SAMD4A: variants seen among roughly 807,000 people sequenced by gnomAD.
SAMD4A encodes the protein protein Smaug homolog 1.
Under a neutral mutation model 81.3 loss-of-function variants are expected in SAMD4A, and 33 were observed. That is an observed-to-expected ratio of 0.41 (90% CI 0.31 to 0.54). The LOEUF is 0.54. Among genes scored for constraint, SAMD4A ranks in the 20% least tolerant of loss-of-function variants. SAMD4A has a pLI of 0.37. For missense variants in SAMD4A, 854 were observed against 951.1 expected (o/e 0.90, Z 1.34); for synonymous variants, 389 against 382.1 (o/e 1.02, Z -0.21).
At chr14:54,565,734 G>C (rs2032909368), upstream of SAMD4A, among the ~76,000 whole-genome samples, 1 of 151,966 alleles carries the variant, frequency 6.6e-6, no homozygotes, top group Non-Finnish European at 1.5e-5. This position sits in a 1 kb window ranked among gnomAD's most constrained non-coding sequence, Gnocchi z 5.4. Context: ...GAGCGCCCTC[G>C]GGTCCCTTTC....
Position 54,567,973 on chromosome 14 carries a change from G to C in SAMD4A, c.57G>C (p.Glu19Asp). ...CGGGCTGGTTTAAGGGCTGGAACGAGTGCGAGCAGACTGTTGCGCTGCTGT... is the reference window on the plus strand; with the variant it reads ...CGGGCTGGTTTAAGGGCTGGAACGACTGCGAGCAGACTGTTGCGCTGCTGT... Reference protein sequence around the residue: ...VLAGWFKGWNECEQTVALLSL... With the variant: ...VLAGWFKGWNDCEQTVALLSL... Residue 19 changes from glutamate to aspartate, a missense_variant, in exon 2 of 13, where the codon GAG (glutamate) becomes GAC (aspartate). This residue lies in a region of SAMD4A where 387 missense variants were observed against 405.8 expected (regional missense o/e 0.95). Coordinates refer to ENST00000554335, the MANE Select transcript of SAMD4A (RefSeq NM_015589.6). The C allele has an allele frequency of 6.2e-7, 1 of 1,610,676 alleles. No homozygotes were observed. Among genetic ancestry groups the C allele is most frequent in the Non-Finnish European group, 8.5e-7 (1 of 1,179,624 alleles).
intron 2 of SAMD4A, among the ~76,000 whole-genome samples, chr14:54,632,186 G>A (rs1446979441): frequency 1.3e-5 from 2 of 152,220 alleles, no homozygotes; most frequent in East Asian, 3.9e-4. Context: ...AGATGAACAT[G>A]CACTAATAAA....
intron 2 of SAMD4A, among the ~76,000 whole-genome samples, chr14:54,654,247 T>C (rs950589646): frequency 6.6e-6 from 1 of 152,214 alleles, no homozygotes; most frequent in African/African-American, 2.4e-5. Context: ...TCCTGAACTC[T>C]GCCCAGCATG....
chr14:54,692,352 C>T (rs530738512), intron 2 of SAMD4A, among the ~76,000 whole-genome samples: 4 of 152,156 alleles, frequency 2.6e-5, no homozygotes, highest in Non-Finnish European at 5.9e-5. Flanking sequence ...TTTTGTGATT[C>T]AGTCTGTTTA....
intron 6 of SAMD4A, 98 bp from the exon 7 acceptor site, chr14:54,760,063 C>A: frequency 7.8e-7 from 1 of 1,276,462 alleles, no homozygotes; most frequent in Non-Finnish European, 1.1e-6. Flanking sequence ...CCAGCAGCCA[C>A]GAATCCTGTA....
At chr14:54,639,908 A>C (rs1171682333) in intron 2 of SAMD4A, among the ~76,000 whole-genome samples, 1 of 152,148 alleles carries the variant, frequency 6.6e-6, no homozygotes, top group African/African-American at 2.4e-5. Context: ...TCTGCCATTG[A>C]CAAACTACTC....
chr14:54,625,652 G>T (rs2034727083), intron 2 of SAMD4A, among the ~76,000 whole-genome samples: 1 of 152,182 alleles, frequency 6.6e-6, no homozygotes, highest in Non-Finnish European at 1.5e-5. Flanking sequence ...CAGAGAAAGG[G>T]CCACATAGTT....
At chr14:54,746,155 A>C (rs527436173) in intron 4 of SAMD4A, among the ~76,000 whole-genome samples, 24 of 152,206 alleles carry the variant, frequency 1.6e-4, no homozygotes, top group Non-Finnish European at 3.2e-4. Flanking sequence ...AATCCTTGGC[A>C]AGGGAAGGTA....
At chr14:54,700,188 A>G (rs1242726011) in intron 2 of SAMD4A, among the ~76,000 whole-genome samples, 1 of 152,184 alleles carries the variant, frequency 6.6e-6, no homozygotes, top group Non-Finnish European at 1.5e-5. Context: ...TCCATCATCA[A>G]GTACTTGACC....
chr14:54,767,233 C>A (rs1017964012), intron 8 of SAMD4A, among the ~76,000 whole-genome samples: 1 of 152,190 alleles, frequency 6.6e-6, no homozygotes, highest in African/African-American at 2.4e-5. Flanking sequence ...TGAAGGCGCA[C>A]AGCCTCCATC....
chr14:54,598,179 G>A (rs113739253), intron 2 of SAMD4A, among the ~76,000 whole-genome samples: 4 of 152,276 alleles, frequency 2.6e-5, no homozygotes, highest in African/African-American at 9.6e-5. Flanking sequence ...ACATGGTTCT[G>A]ATTAAATATC....
At chr14:54,570,123 T>C (rs1391161199) in intron 2 of SAMD4A, among the ~76,000 whole-genome samples, 2 of 152,324 alleles carry the variant, frequency 1.3e-5, no homozygotes, top group Admixed American at 1.3e-4. Context: ...CTCCAGTTTC[T>C]GGATTAATCC....
chr14:54,606,790 G>A (rs963298507), intron 2 of SAMD4A, among the ~76,000 whole-genome samples: 2 of 152,192 alleles, frequency 1.3e-5, no homozygotes, highest in African/African-American at 4.8e-5. Flanking sequence ...CTTTAGTTTG[G>A]TGGCTGAAAA....
intron 2 of SAMD4A, among the ~76,000 whole-genome samples, chr14:54,575,337 CTTAGGGCTGG>C (rs2033256971): frequency 6.6e-6 from 1 of 152,194 alleles, no homozygotes; most frequent in Admixed American, 6.5e-5. Flanking sequence ...AGAGCCCTTG[CTTAGGGCTGG>C]GTTTTAAACT....
intron 3 of SAMD4A, among the ~76,000 whole-genome samples, chr14:54,715,403 G>C (rs968664504): frequency 6.6e-6 from 1 of 152,070 alleles, no homozygotes; most frequent in African/African-American, 2.4e-5. Flanking sequence ...GGGCTGGGTG[G>C]GGGAGGAGAG....
At chr14:54,685,703 A>G (rs1216719424) in intron 2 of SAMD4A, 1 of 456,630 alleles carries the variant, frequency 2.2e-6, no homozygotes, top group East Asian at 6.9e-5. Context: ...AAGGCTCCCC[A>G]TGGTTGGGAG....
At chr14:54,603,972 G>A (rs976168723) in intron 2 of SAMD4A, among the ~76,000 whole-genome samples, 2 of 151,944 alleles carry the variant, frequency 1.3e-5, no homozygotes, top group Non-Finnish European at 2.9e-5. Context: ...CTACAGGTGT[G>A]TGCCACCATG....
chr14:54,770,435 T>C (rs928023319), intron 9 of SAMD4A, among the ~76,000 whole-genome samples: 2 of 152,266 alleles, frequency 1.3e-5, no homozygotes, highest in African/African-American at 4.8e-5. Context: ...TGTGAGCTTT[T>C]GTAACACAGT....
intron 2 of SAMD4A, among the ~76,000 whole-genome samples, chr14:54,641,694 A>C (rs545512876): frequency 6.6e-6 from 1 of 152,242 alleles, no homozygotes; most frequent in African/African-American, 2.4e-5. Context: ...TTCTGACTCC[A>C]AGTCCAGTAT....
Sources: allele counts gnomAD v4.1 joint callset (sites outside exome capture counted in the v4.1 genomes callset), GRCh38; gene constraint gnomAD v4.1.1; regional missense constraint gnomAD v4.1.1; non-coding constraint Gnocchi (gnomAD v3.1); transcripts MANE v1.5; gene names NCBI Gene and HGNC (gene_info 2026-07-23, HGNC 2026-07-21).